The following C6orf89 variants were observed in gnomAD, a reference collection of about 807,000 sequenced individuals.
C6orf89 encodes the protein bombesin receptor-activated protein C6orf89.
In C6orf89, 29 loss-of-function variants were observed where a neutral mutation model predicts 40.7. The ratio of observed to expected loss-of-function variants is 0.71; its 90% CI spans 0.53 to 0.97. The LOEUF (loss-of-function observed/expected upper bound fraction) is 0.97. Among genes scored for constraint, C6orf89 ranks in the 50% least tolerant of loss-of-function variants. C6orf89 has a pLI of 0.00. For synonymous variants in C6orf89, 165 were observed against 152.2 expected (o/e 1.08, Z -0.62); for missense variants, 392 against 429.1 (o/e 0.91, Z 0.76).
In C6orf89 at chr6:36,928,262, G is replaced by A. The variant is rs538139694; in HGVS notation, c.*4821G>A. 4 of 152,336 alleles carry A rather than the reference G, an allele frequency of 2.6e-5. No homozygotes were observed. The highest frequency in any genetic ancestry group is 7.2e-5 in the African/African-American group (3 of 41,524). The allele number at this position is 152,336 out of a possible 1,614,324, so 9.4% of individuals were successfully genotyped here. A position where few individuals can be genotyped will look rare whatever the true frequency, so the allele number is the denominator to read the frequency against. ...CATCAATCCAAGAATGAGCCATGGC[G>A]GCAAGCACTGTGTGGAGAAAGGAAC... On this transcript the variant is annotated 3_prime_UTR_variant, in exon 9 of 9. Coordinates refer to ENST00000480824, the MANE Select transcript of C6orf89 (RefSeq NM_001286635.2).
intron 4 of C6orf89, among the ~76,000 whole-genome samples, chr6:36,905,193 G>A (rs148160280): frequency 1.3e-5 from 2 of 152,218 alleles, no homozygotes; most frequent in East Asian, 3.9e-4. Context: ...CAGGTTTTAT[G>A]CCCATTTTAC....
At chr6:36,897,757 G>C (rs1301842045) in intron 2 of C6orf89, among the ~76,000 whole-genome samples, 1 of 152,190 alleles carries the variant, frequency 6.6e-6, no homozygotes, top group Non-Finnish European at 1.5e-5. Flanking sequence ...TGATTGGGAG[G>C]CACACTGCTG....
chr6:36,886,436 G>T (rs940911704), intron 1 of C6orf89, among the ~76,000 whole-genome samples: 4 of 152,162 alleles, frequency 2.6e-5, no homozygotes, highest in Non-Finnish European at 5.9e-5. Context: ...ATCGTTAGGG[G>T]GCAATAATTT....
chr6:36,874,665 G>T, intron 1 of C6orf89: 1 of 1,599,160 alleles, frequency 6.3e-7, no homozygotes, highest in Non-Finnish European at 8.6e-7. Context: ...CCCGTGGTGA[G>T]GCCCGGGCTC....
At chr6:36,879,655 TC>T (rs1287839681) in intron 2 of C6orf89, among the ~76,000 whole-genome samples, 1 of 152,140 alleles carries the variant, frequency 6.6e-6, no homozygotes, top group East Asian at 1.9e-4. Context: ...TTTTTCTGGG[TC>T]AAGGGGTACC....
chr6:36,894,266 T>G (rs1350106537), intron 1 of C6orf89, among the ~76,000 whole-genome samples: 1 of 152,262 alleles, frequency 6.6e-6, no homozygotes, highest in Non-Finnish European at 1.5e-5. Flanking sequence ...CACTGGAATT[T>G]GTTTCTAGCA....
rs58524464 is a variant in C6orf89, at chr6:36,907,275, C to CTTTTGTTTTG, written c.403+4871_403+4880dup. Among the ~76,000 whole-genome samples the CTTTTGTTTTG allele has an allele frequency of 2.8e-3, 419 of 151,178 alleles. 3 individuals carry two copies. The highest frequency in any genetic ancestry group is 9.0e-3 in the African/African-American group (367 of 40,974). ...GGAGTTTTTTGTCCTGGAAAGAAAT[C>CTTTTGTTTTG]TTTTGTTTTGTTTTGTTTTGTTTTG... On this transcript the variant is annotated intron_variant, in intron 4 of 8. Transcript: ENST00000480824.
In C6orf89 at chr6:36,917,931, TG is replaced by T. The variant is rs759783810; in HGVS notation, c.825+1358del. ...ACTCAAATGCTTACGAGAGTCATGC[TG>T]TGGTTCTCGAGGATGTTTTGGGAAG... On this transcript the variant is annotated intron_variant, in intron 7 of 8. Coordinates refer to ENST00000480824, the MANE Select transcript of C6orf89 (RefSeq NM_001286635.2). 2.6e-5 allele frequency among the ~76,000 whole-genome samples: 4 copies of T among 152,370 alleles called. No individual in the cohort carries two copies. In the East Asian group the frequency reaches 5.8e-4, roughly 22 times the overall value.
At chr6:36,877,476 G>A (rs545955083) in intron 1 of C6orf89, among the ~76,000 whole-genome samples, 5 of 152,228 alleles carry the variant, frequency 3.3e-5, no homozygotes, top group East Asian at 1.9e-4. Flanking sequence ...GACTACAGGC[G>A]CATGCCACCA....
chr6:36,915,171 G>C (rs568277782), intron 6 of C6orf89, among the ~76,000 whole-genome samples: 1 of 152,188 alleles, frequency 6.6e-6, no homozygotes, highest in Non-Finnish European at 1.5e-5. Flanking sequence ...GGATGAAGAG[G>C]TGTGTCAGAA....
intron 1 of C6orf89, among the ~76,000 whole-genome samples, chr6:36,893,893 C>A (rs1337482855): frequency 6.6e-6 from 1 of 151,900 alleles, no homozygotes; most frequent in African/African-American, 2.4e-5. Flanking sequence ...ATCCTTTAAT[C>A]CCAGCCTGTA....
chr6:36,924,580 G>A lies in C6orf89; in HGVS notation c.*1139G>A, dbSNP rs1435880269. 6.6e-6 allele frequency: 1 copy of A among 152,170 alleles called. No individual in the cohort carries two copies. Among genetic ancestry groups the A allele is most frequent in the Non-Finnish European group, 1.5e-5 (1 of 68,014 alleles). 9.4% of individuals were successfully genotyped at this position (152,170 alleles called of 1,614,324 possible). A position where few individuals can be genotyped will look rare whatever the true frequency, so the allele number is the denominator to read the frequency against. ...GATTGGATGATTCACTATGTGCATT[G>A]TTTTCTCCTAAGTGCTTTTAGTAGG... On this transcript the variant is annotated 3_prime_UTR_variant, in exon 9 of 9. Coordinates refer to ENST00000480824, the MANE Select transcript of C6orf89 (RefSeq NM_001286635.2).
At chr6:36,885,055 C>T (rs1441304960), upstream of C6orf89, among the ~76,000 whole-genome samples, 2 of 152,136 alleles carry the variant, frequency 1.3e-5, no homozygotes, top group East Asian at 1.9e-4. Flanking sequence ...ATGACCAAAA[C>T]GGGGGAATTG....
chr6:36,872,046 C>A (rs938841351), intron 1 of C6orf89: 6 of 551,550 alleles, frequency 1.1e-5, no homozygotes, highest in Non-Finnish European at 1.4e-5. Context: ...ACATAAACAC[C>A]CATTATCTTT....
At chr6:36,890,268 G>C (rs1459779131) in intron 1 of C6orf89, among the ~76,000 whole-genome samples, 1 of 152,148 alleles carries the variant, frequency 6.6e-6, no homozygotes, top group African/African-American at 2.4e-5. Flanking sequence ...TTGTATAACT[G>C]AAACTTTGTA....
chr6:36,902,305 T>G lies in C6orf89; in HGVS notation c.274T>G (p.Ser92Ala), dbSNP rs969332050. The G allele has an allele frequency of 4.9e-5, 79 of 1,614,086 alleles. No homozygotes were observed. The highest frequency in any genetic ancestry group is 6.2e-5 in the Non-Finnish European group (73 of 1,180,030). The part of the protein sequence containing the change: ...FSPLAPEPVL[S>A]GAHTWRSLIH... Reference sequence around the variant, plus strand: ...CCCATTAGCACCTGAGCCAGTGCTTTCTGGAGCTCACACCTGGCGCTCACT... The same window carrying G: ...CCCATTAGCACCTGAGCCAGTGCTTGCTGGAGCTCACACCTGGCGCTCACT... The change falls in exon 4 of 9, where the codon TCT becomes GCT. Residue 92 changes from serine to alanine, a missense_variant. By Grantham distance (99) the Ser-to-Ala change is moderately conservative. Transcript: ENST00000480824.
Position 36,892,703 on chromosome 6 carries a change from G to C in C6orf89, c.-119-1801G>C, listed in dbSNP as rs533843386. 8 of 152,330 alleles carry C rather than the reference G, an allele frequency of 5.3e-5. No homozygotes were observed. The South Asian group carries it at 1.5e-3, about 28-fold the overall frequency. The allele number at this position is 152,330 out of a possible 1,614,324, so 9.4% of individuals were successfully genotyped here. A position where few individuals can be genotyped will look rare whatever the true frequency, so the allele number is the denominator to read the frequency against. On this transcript the variant is annotated intron_variant, in intron 1 of 8. Transcript: ENST00000480824. ...ACAGTTCTGGCAACTTAGCATATCC[G>C]AGGTGGTGCATGATACTTTGATCCT...
intron 4 of C6orf89, among the ~76,000 whole-genome samples, chr6:36,905,167 C>A (rs1446296783): frequency 1.3e-5 from 2 of 152,168 alleles, no homozygotes; most frequent in African/African-American, 4.8e-5. Context: ...TTGACAACAT[C>A]CCTATAGGGT....
Position 36,887,963 on chromosome 6 carries a change from A to T in C6orf89, c.-120+1935A>T, listed in dbSNP as rs577644912. ...GGTCTTGGAAGTCCTGGGCTCAAGC[A>T]GTCCTCCCACCTCAGCCTCCCAGTG... On this transcript the variant is annotated intron_variant, in intron 1 of 8. Transcript: ENST00000480824. Among the ~76,000 whole-genome samples, 8 of 152,238 alleles carry T rather than the reference A, an allele frequency of 5.3e-5. 1 individual carries two copies. In the South Asian group the frequency reaches 1.7e-3, roughly 32 times the overall value.
Sources: allele counts gnomAD v4.1 joint callset (sites outside exome capture counted in the v4.1 genomes callset), GRCh38; gene constraint gnomAD v4.1.1; transcripts MANE v1.5; gene names NCBI Gene and HGNC (gene_info 2026-07-23, HGNC 2026-07-21).